The following RPH3AL variants were observed in gnomAD, a reference collection of about 807,000 sequenced individuals.
The protein encoded by RPH3AL is rab effector Noc2.
Under a neutral mutation model 43.1 loss-of-function variants are expected in RPH3AL, and 38 were observed. The ratio of observed to expected loss-of-function variants is 0.88; its 90% CI spans 0.68 to 1.15. RPH3AL has a LOEUF of 1.15. Ranked by LOEUF, RPH3AL falls within the 50% of genes most tolerant of loss-of-function variation. The probability of loss-of-function intolerance (pLI) is 0.00; values close to 1 mark genes in which losing one functional copy is unlikely to be tolerated. For synonymous variants in RPH3AL, 189 were observed against 176.3 expected, an observed-to-expected ratio of 1.07 and a Z score of -0.57; for missense variants, 462 against 423.2, an observed-to-expected ratio of 1.09 and a Z score of -0.81.
Position 335,089 on chromosome 17 carries a change from C to T in RPH3AL, c.-212-1155G>A, listed in dbSNP as rs553571562. ...GCCACAGGGTCCGACCCACGGTGAG[C>T]GTGGGCAGCATACCCGAGCTCCTGA... On this transcript the variant is annotated intron_variant, in intron 1 of 9. Transcript: ENST00000331302. Among the ~76,000 whole-genome samples the T allele has an allele frequency of 7.9e-5, 12 of 152,316 alleles. No homozygotes were observed. The South Asian group carries it at 1.7e-3, about 21-fold the overall frequency.
intron 5 of RPH3AL, among the ~76,000 whole-genome samples, chr17:302,793 T>C (rs2043361337): frequency 6.6e-6 from 1 of 152,222 alleles, no homozygotes; most frequent in East Asian, 1.9e-4. Context: ...CATGGGACGA[T>C]GTTTTTGATA....
chr17:316,973 A>G (rs571761317), intron 5 of RPH3AL, among the ~76,000 whole-genome samples: 64 of 127,864 alleles, frequency 5.0e-4, no homozygotes, highest in African/African-American at 2.0e-3. Context: ...ACCCACCTCC[A>G]TTGACCTGTA....
At position 322,911 on chromosome 17, in the gene RPH3AL, G is replaced by A. The variant is rs367971980; in HGVS notation, c.78-1496C>T. On this transcript the variant is annotated intron_variant, in intron 3 of 9. Coordinates refer to ENST00000331302, the MANE Select transcript of RPH3AL (RefSeq NM_006987.4). This position sits in a 1 kb window ranked among gnomAD's most constrained non-coding sequence, Gnocchi z 4.0. ...CTGGACAGTCTTATCTTCTGGTCCC[G>A]TCCCTTCCCAGATGCGAGACCTCGG... Among the ~76,000 whole-genome samples the A allele has an allele frequency of 1.1e-4, 16 of 152,092 alleles. No homozygotes were observed. The highest frequency in any genetic ancestry group is 1.4e-4 in the African/African-American group (6 of 41,410).
intron 5 of RPH3AL, among the ~76,000 whole-genome samples, chr17:284,132 A>G (rs902715595): frequency 3.3e-5 from 5 of 152,030 alleles, no homozygotes; most frequent in Non-Finnish European, 7.4e-5. Flanking sequence ...TGCCCTGCAT[A>G]GGCTGCTGAA....
intron 5 of RPH3AL, among the ~76,000 whole-genome samples, chr17:295,040 G>A (rs540954491): frequency 7.4e-6 from 1 of 134,550 alleles, no homozygotes; most frequent in African/African-American, 2.9e-5. Context: ...CAGAGATGCT[G>A]CAGAAATGGA....
intron 5 of RPH3AL, among the ~76,000 whole-genome samples, chr17:317,542 G>A (rs1217803818): frequency 6.6e-6 from 1 of 150,936 alleles, no homozygotes; most frequent in South Asian, 2.1e-4. Context: ...AAGTCCCTGT[G>A]CCCCCACCTC....
chr17:219,873 A>T, intron 7 of RPH3AL, 137 bp from the exon 8 acceptor site: 2 of 643,298 alleles, frequency 3.1e-6, no homozygotes, highest in South Asian at 3.5e-5. Flanking sequence ...CGCTTTGGGC[A>T]GAAGAAATAA....
chr17:316,051 GACTCCACCTCC>G (rs2044142690), intron 5 of RPH3AL, among the ~76,000 whole-genome samples: 15 of 112,616 alleles, frequency 1.3e-4, no homozygotes, highest in African/African-American at 5.3e-4. Flanking sequence ...TAGTCCCTGT[GACTCCACCTCC>G]AGTGATGTGT....
At chr17:259,518 T>C (rs1183868927) in intron 6 of RPH3AL, among the ~76,000 whole-genome samples, 2 of 152,068 alleles carry the variant, frequency 1.3e-5, no homozygotes, top group Admixed American at 1.3e-4. Flanking sequence ...CGCCCAGGAA[T>C]AGTGGCAGGA....
chr17:313,269 G>T (rs113985864), intron 5 of RPH3AL, among the ~76,000 whole-genome samples: 1,920 of 152,220 alleles, frequency 0.013, 41 homozygotes, highest in African/African-American at 0.044. Context: ...CAGCACTAGG[G>T]TCGTCTCTTA....
Position 215,760 on chromosome 17 carries a change from G to A in RPH3AL, c.770C>T (p.Pro257Leu), listed in dbSNP as rs144890975. 3.1e-4 allele frequency: 405 copies of A among 1,304,850 alleles called. 2 individuals are homozygous for A. In the East Asian group the frequency reaches 8.7e-3, roughly 28 times the overall value. The allele number at this position is 1,304,850 out of a possible 1,614,324, so 80.8% of individuals were successfully genotyped here. The stretch of plus-strand genomic sequence containing the variant: ...GCTCTGGCACCCAGAGAGGTGGCCC[G>A]GCGGGTGGGTGAACCCCATCCTGGG... The part of the protein sequence containing the change: ...EAPRMGFTHP[P>L]GHLSGCQSSL... Residue 257 changes from proline (P) to leucine (L), a missense_variant, in exon 9 of 10, where the codon CCG (proline) becomes CTG (leucine). By Grantham distance (98) the Pro-to-Leu change is moderately conservative. Transcript: ENST00000331302. The surrounding 1 kb of genome is among the most constrained non-coding windows in gnomAD (Gnocchi z 4.1).
chr17:291,738 A>T (rs2043052853), intron 5 of RPH3AL, among the ~76,000 whole-genome samples: 1 of 152,186 alleles, frequency 6.6e-6, no homozygotes, highest in South Asian at 2.1e-4. Flanking sequence ...TAGAAAAGTG[A>T]CGAAATGACA....
intron 6 of RPH3AL, among the ~76,000 whole-genome samples, chr17:279,109 G>A (rs2151602723): frequency 6.6e-6 from 1 of 152,278 alleles, no homozygotes; most frequent in South Asian, 2.1e-4. Context: ...CACAGACTCA[G>A]AACCAGCTTA....
chr17:258,572 C>G (rs1220877022), intron 6 of RPH3AL, among the ~76,000 whole-genome samples: 1 of 152,166 alleles, frequency 6.6e-6, no homozygotes, highest in Non-Finnish European at 1.5e-5. Flanking sequence ...CCTGCCTCCC[C>G]TGGCATATCC....
chr17:258,784 AG>A (rs1403937020), intron 6 of RPH3AL, among the ~76,000 whole-genome samples: 8 of 136,130 alleles, frequency 5.9e-5, no homozygotes, highest in Non-Finnish European at 1.1e-4. Flanking sequence ...TTTTTGAGAC[AG>A]GGTCTCACTC....
intron 5 of RPH3AL, among the ~76,000 whole-genome samples, chr17:316,942 A>G (rs1173167101): frequency 3.2e-5 from 4 of 126,050 alleles, no homozygotes; most frequent in Admixed American, 8.3e-5. Context: ...CTCCACCTCC[A>G]TTGACCTGTA....
Position 263,793 on chromosome 17 carries a change from G to A in RPH3AL, c.439-16508C>T, listed in dbSNP as rs186955867. Among the ~76,000 whole-genome samples, 1,118 of 152,264 alleles carry A rather than the reference G, an allele frequency of 7.3e-3. 13 individuals carry two copies. The highest frequency in any genetic ancestry group is 0.019 in the South Asian group (92 of 4,822). ...AAGTTACGGTTAGTTTGAGAACGTC[G>A]GTATGAGTTGGTAACACACCGACAC... is the stretch of plus-strand genomic sequence containing the variant. On this transcript the variant is annotated intron_variant, in intron 6 of 9. Transcript: ENST00000331302.
chr17:324,785 G>A (rs1286247968), intron 3 of RPH3AL, among the ~76,000 whole-genome samples: 2 of 151,936 alleles, frequency 1.3e-5, no homozygotes, highest in Non-Finnish European at 2.9e-5. Context: ...GAGTGCAATG[G>A]CACAATCTCA....
At chr17:258,078 A>T (rs1204832852) in intron 6 of RPH3AL, among the ~76,000 whole-genome samples, 1 of 152,096 alleles carries the variant, frequency 6.6e-6, no homozygotes, top group Non-Finnish European at 1.5e-5. Context: ...AACCCGTGTC[A>T]GCACGTCCTT....
Sources: gnomAD v4.1 joint callset for allele counts (sites outside exome capture counted in the v4.1 genomes callset) on GRCh38, gnomAD v4.1.1 for gene constraint, Gnocchi (gnomAD v3.1) non-coding constraint, MANE v1.5 for transcripts, NCBI Gene and HGNC (gene_info 2026-07-23, HGNC 2026-07-21) for gene names.